Variants in JARID2 observed in about 807,000 individuals in gnomAD.
JARID2 encodes protein Jumonji.
JARID2 carries 21 observed loss-of-function variants against 125.6 expected under a neutral mutation model. The observed-to-expected ratio is 0.17, with a 90% CI of 0.12 to 0.24. The LOEUF is 0.24. JARID2 is among the 10% of genes least tolerant of loss of function. The probability of loss-of-function intolerance (pLI) is 1.00; values close to 1 mark genes in which losing one functional copy is unlikely to be tolerated. For missense variants in JARID2, 1,303 were observed against 1,639.6 expected (o/e 0.79, Z 3.55); for synonymous variants, 736 against 661.6 (o/e 1.11, Z -1.73).
intron 1 of JARID2, among the ~76,000 whole-genome samples, chr6:15,358,410 C>T (rs1051780003): frequency 2.0e-5 from 3 of 152,252 alleles, no homozygotes; most frequent in African/African-American, 7.2e-5. Flanking sequence ...AACAGAGTTT[C>T]CCGATACTGG....
At chr6:15,309,254 T>C (rs913577777) in intron 1 of JARID2, among the ~76,000 whole-genome samples, 1 of 152,196 alleles carries the variant, frequency 6.6e-6, no homozygotes, top group Non-Finnish European at 1.5e-5. Context: ...CTCAGTTATT[T>C]CTTTTATGAA....
intron 1 of JARID2, among the ~76,000 whole-genome samples, chr6:15,359,319 A>G (rs898185306): frequency 1.3e-5 from 2 of 152,294 alleles, no homozygotes; most frequent in South Asian, 2.1e-4. Context: ...TACTGTCCCA[A>G]CAGCTTTTCT....
At chr6:15,372,646 G>T (rs773353909) in intron 1 of JARID2, among the ~76,000 whole-genome samples, 1 of 152,060 alleles carries the variant, frequency 6.6e-6, no homozygotes, top group Non-Finnish European at 1.5e-5. Context: ...GAGCCACTGC[G>T]CCAAGCCGTT....
chr6:15,356,407 C>A (rs760669821), intron 1 of JARID2, among the ~76,000 whole-genome samples: 1 of 152,310 alleles, frequency 6.6e-6, no homozygotes, highest in East Asian at 1.9e-4. Flanking sequence ...TCTTCACCAA[C>A]GTCTGCTGTT....
intron 1 of JARID2, among the ~76,000 whole-genome samples, chr6:15,299,444 T>G (rs1341830576): frequency 6.6e-6 from 1 of 152,180 alleles, no homozygotes; most frequent in Non-Finnish European, 1.5e-5. Context: ...AAACATTTGT[T>G]GAGTCCCAGC....
Position 15,511,361 on chromosome 6 carries a change from A to G in JARID2, c.2912A>G (p.Asn971Ser), listed in dbSNP as rs773656923. The change falls in exon 13 of 18, where the codon AAT becomes AGT. Residue 971 changes from asparagine (N) to serine (S), a missense_variant. Transcript: ENST00000341776. ...GTGGTCCACACCCTGCTGCAAGCCA[A>G]TGGCACCCCAGGGCTGCAGATGCTG... ...EDVVHTLLQA[N>S]GTPGLQMLES... 1.1e-5 allele frequency: 18 copies of G among 1,613,808 alleles called. No homozygotes were observed. Among genetic ancestry groups the G allele is most frequent in the East Asian group, 2.2e-5 (1 of 44,884 alleles).
intron 1 of JARID2, among the ~76,000 whole-genome samples, chr6:15,255,185 G>A (rs1159512515): frequency 1.4e-5 from 2 of 146,966 alleles, no homozygotes; most frequent in Non-Finnish European, 3.0e-5. Flanking sequence ...TTGTTGCCAG[G>A]CTGGAGTACA....
intron 3 of JARID2, among the ~76,000 whole-genome samples, chr6:15,432,118 G>T (rs766486212): frequency 6.6e-6 from 1 of 151,488 alleles, no homozygotes; most frequent in Non-Finnish European, 1.5e-5. Context: ...AAAAAACACA[G>T]ATTTATTGAA....
Position 15,487,299 on chromosome 6 carries a change from C to CT in JARID2, c.671-5dup, listed in dbSNP as rs756851151. 5 of 1,612,162 alleles carry CT rather than the reference C, an allele frequency of 3.1e-6. No homozygotes were observed. The African/African-American group carries it at 5.3e-5, about 17-fold the overall frequency. ...TGATTTCATTCTTGTTTTCTCCTTC[C>CT]TTTCTAGTTTTCAATGGTTCCAGCA... is the stretch of plus-strand genomic sequence containing the variant. On this transcript the variant is annotated splice_region_variant and splice_polypyrimidine_tract_variant and intron_variant, in intron 5 of 17. Coordinates refer to ENST00000341776, the MANE Select transcript of JARID2 (RefSeq NM_004973.4).
intron 1 of JARID2, among the ~76,000 whole-genome samples, chr6:15,340,369 T>C (rs1763026448): frequency 6.6e-6 from 1 of 152,244 alleles, no homozygotes; most frequent in South Asian, 2.1e-4. Flanking sequence ...TCTCAATCTG[T>C]GACTTGTGCG....
intron 2 of JARID2, among the ~76,000 whole-genome samples, chr6:15,401,316 A>C (rs1036603734): frequency 1.3e-5 from 2 of 152,196 alleles, no homozygotes; most frequent in African/African-American, 4.8e-5. Flanking sequence ...TAAAGCATTA[A>C]GCTCTGTTGA....
intron 1 of JARID2, among the ~76,000 whole-genome samples, chr6:15,262,854 C>T (rs116020238): frequency 4.6e-5 from 7 of 152,204 alleles, no homozygotes; most frequent in African/African-American, 7.2e-5. Context: ...AACAATGCTG[C>T]GGTGAACGTT....
At chr6:15,386,749 T>C (rs1764803692) in intron 2 of JARID2, among the ~76,000 whole-genome samples, 1 of 152,214 alleles carries the variant, frequency 6.6e-6, no homozygotes, top group South Asian at 2.1e-4. Flanking sequence ...TGTCTGAGAG[T>C]GTTGGGGACT....
intron 3 of JARID2, among the ~76,000 whole-genome samples, chr6:15,450,853 A>G: frequency 6.6e-6 from 1 of 152,254 alleles, no homozygotes; most frequent in East Asian, 1.9e-4. Context: ...CTGTGTTAAA[A>G]AAGAACAAAC....
At chr6:15,360,198 T>TTTGAGACTG (rs1763743898) in intron 1 of JARID2, among the ~76,000 whole-genome samples, 1 of 152,156 alleles carries the variant, frequency 6.6e-6, no homozygotes, top group Non-Finnish European at 1.5e-5. Flanking sequence ...ATTAATTTTT[T>TTTGAGACTG]TTGAGACTGA....
chr6:15,296,420 G>T (rs1761417046), intron 1 of JARID2, among the ~76,000 whole-genome samples: 1 of 152,040 alleles, frequency 6.6e-6, no homozygotes, highest in African/African-American at 2.4e-5. Flanking sequence ...TACTTAGTTT[G>T]TGGTTATGTT....
intron 1 of JARID2, among the ~76,000 whole-genome samples, chr6:15,363,744 T>G (rs780351465): frequency 1.3e-5 from 2 of 152,226 alleles, no homozygotes; most frequent in Non-Finnish European, 2.9e-5. Context: ...GCCCTGTCGC[T>G]TGGTGGACAC....
At chr6:15,489,367 G>A (rs1157586807) in intron 6 of JARID2, among the ~76,000 whole-genome samples, 4 of 152,214 alleles carry the variant, frequency 2.6e-5, no homozygotes, top group African/African-American at 9.7e-5. Context: ...ATGAAGGGTG[G>A]CAGAGGACCT....
At chr6:15,385,765 G>C (rs1764761619) in intron 2 of JARID2, among the ~76,000 whole-genome samples, 1 of 151,984 alleles carries the variant, frequency 6.6e-6, no homozygotes, top group South Asian at 2.1e-4. Context: ...CTGTGGATGT[G>C]CCACTCTCTG....
Sources: allele counts gnomAD v4.1 joint callset (sites outside exome capture counted in the v4.1 genomes callset), GRCh38; gene constraint gnomAD v4.1.1; transcripts MANE v1.5; gene names NCBI Gene and HGNC (gene_info 2026-07-23, HGNC 2026-07-21).